SORCS3: variants seen among roughly 807,000 people sequenced by gnomAD.
The protein encoded by SORCS3 is VPS10 domain-containing receptor SorCS3.
SORCS3 carries 57 observed loss-of-function variants against 146.3 expected under a neutral mutation model. The ratio of observed to expected loss-of-function variants is 0.39; its 90% CI spans 0.31 to 0.49. The LOEUF (loss-of-function observed/expected upper bound fraction) is 0.49, where lower values mean the gene tolerates loss of function less well. SORCS3 is among the 20% of genes least tolerant of loss of function. The pLI is 0.92. For synonymous variants in SORCS3, 653 were observed against 618.5 expected, an observed-to-expected ratio of 1.06 and a Z score of -0.83; for missense variants, 1,341 against 1,575.5, an observed-to-expected ratio of 0.85 and a Z score of 2.52.
At chr10:104,976,148 C>T (rs1460249114) in intron 3 of SORCS3, among the ~76,000 whole-genome samples, 5 of 152,220 alleles carry the variant, frequency 3.3e-5, no homozygotes, top group South Asian at 2.1e-4. Context: ...AGAAAATTTT[C>T]GCATCCTACT....
intron 1 of SORCS3, among the ~76,000 whole-genome samples, chr10:104,666,358 G>T (rs2015776516): frequency 6.6e-6 from 1 of 152,156 alleles, no homozygotes; most frequent in African/African-American, 2.4e-5. Context: ...CAGGCAGGAG[G>T]AGGAGAAGAG....
At chr10:104,874,493 G>A (rs367950304) in intron 2 of SORCS3, among the ~76,000 whole-genome samples, 50 of 152,094 alleles carry the variant, frequency 3.3e-4, no homozygotes, top group African/African-American at 1.2e-3. Flanking sequence ...TACACTTTCT[G>A]ATGTTTGTAT....
At chr10:104,701,405 T>C (rs2016277988) in intron 1 of SORCS3, among the ~76,000 whole-genome samples, 1 of 152,216 alleles carries the variant, frequency 6.6e-6, no homozygotes, top group African/African-American at 2.4e-5. Context: ...TACAAATCAG[T>C]TTTCTTAACA....
chr10:104,818,626 G>A (rs1015143281), intron 1 of SORCS3, among the ~76,000 whole-genome samples: 2 of 152,084 alleles, frequency 1.3e-5, no homozygotes, highest in Non-Finnish European at 2.9e-5. Context: ...CTGCTTTTCT[G>A]TGCCTCCCTG....
chr10:104,648,727 G>T (rs2133237097), intron 1 of SORCS3, among the ~76,000 whole-genome samples: 1 of 152,306 alleles, frequency 6.6e-6, no homozygotes, highest in African/African-American at 2.4e-5. Context: ...ATTTTGATCA[G>T]TGTAGTTTGG....
chr10:105,177,927 G>A, intron 13 of SORCS3, 139 bp from the exon 14 acceptor site: 1 of 643,158 alleles, frequency 1.6e-6, no homozygotes, highest in Non-Finnish European at 2.8e-6. Context: ...ATGGGGAGAT[G>A]TTGAAGATTA....
chr10:105,000,598 G>A (rs896328581), intron 4 of SORCS3, among the ~76,000 whole-genome samples: 16 of 152,004 alleles, frequency 1.1e-4, no homozygotes, highest in African/African-American at 3.9e-4. Flanking sequence ...TGCAGATTTT[G>A]TGAGTCCAAA....
In SORCS3 at chr10:105,262,349, C is replaced by T. The variant is rs140068972; in HGVS notation, c.3462C>T (p.Asn1154=). Residue 1154 remains asparagine (N), a synonymous_variant, in exon 26 of 27, where the codon AAC becomes AAT. Transcript: ENST00000369701. ...YKFKRKIPWI[N]IYAQVQHDKE... is the part of the protein sequence containing the mutation. Reference sequence around the variant, plus strand: ...CATGTAGGAAAATCCCTTGGATTAACATCTATGCTCAAGTCCAACACGACA... The same window carrying T: ...CATGTAGGAAAATCCCTTGGATTAATATCTATGCTCAAGTCCAACACGACA... The T allele has an allele frequency of 1.6e-4, 256 of 1,613,588 alleles. 1 individual carries two copies. In the African/African-American group the frequency reaches 3.1e-3, roughly 20 times the overall value.
chr10:105,073,152 G>A (rs1036648173), intron 5 of SORCS3, among the ~76,000 whole-genome samples: 1 of 77,940 alleles, frequency 1.3e-5, no homozygotes, highest in African/African-American at 4.2e-5. Context: ...GTCACACTGA[G>A]GAAGAGACAG....
chr10:104,699,901 C>CT (rs1318340828), intron 1 of SORCS3, among the ~76,000 whole-genome samples: 1 of 152,126 alleles, frequency 6.6e-6, no homozygotes, highest in African/African-American at 2.4e-5. Flanking sequence ...GCAATGTGAG[C>CT]TTTGTTCTAG....
chr10:104,966,008 A>G (rs546856690), intron 3 of SORCS3, among the ~76,000 whole-genome samples: 4 of 152,236 alleles, frequency 2.6e-5, no homozygotes, highest in African/African-American at 4.8e-5. Flanking sequence ...TGACATTTAT[A>G]TGTAGTTTAC....
intron 1 of SORCS3, among the ~76,000 whole-genome samples, chr10:104,793,100 T>G (rs1395766313): frequency 2.0e-5 from 3 of 152,238 alleles, no homozygotes; most frequent in Admixed American, 2.0e-4. Context: ...CTTGTCACTT[T>G]AAAATTGAGT....
chr10:105,107,040 G>C (rs992198224), intron 7 of SORCS3, among the ~76,000 whole-genome samples: 8 of 152,160 alleles, frequency 5.3e-5, no homozygotes, highest in Non-Finnish European at 1.0e-4. Context: ...GTGACCTCAT[G>C]TACTGCAGCC....
chr10:104,685,960 G>A (rs963219366), intron 1 of SORCS3, among the ~76,000 whole-genome samples: 1 of 152,086 alleles, frequency 6.6e-6, no homozygotes, highest in African/African-American at 2.4e-5. Context: ...GGGATTGCCC[G>A]GCTCCCTCTT....
chr10:104,867,379 G>A (rs991425217), intron 2 of SORCS3, among the ~76,000 whole-genome samples: 12 of 150,856 alleles, frequency 8.0e-5, no homozygotes, highest in African/African-American at 2.7e-4. Flanking sequence ...GCGAGATCTC[G>A]GCTCATTGCA....
intron 1 of SORCS3, among the ~76,000 whole-genome samples, chr10:104,778,834 G>T (rs2017341500): frequency 6.6e-6 from 1 of 152,108 alleles, no homozygotes; most frequent in Non-Finnish European, 1.5e-5. Context: ...ATGTGGACCT[G>T]CAAAAGGTCC....
intron 9 of SORCS3, among the ~76,000 whole-genome samples, chr10:105,153,009 T>C (rs2056178529): frequency 6.6e-6 from 1 of 152,160 alleles, no homozygotes; most frequent in Non-Finnish European, 1.5e-5. Context: ...ATAAGTTCTG[T>C]GAGTTTTGAT....
At chr10:104,726,698 G>A (rs2133449885) in intron 1 of SORCS3, among the ~76,000 whole-genome samples, 1 of 152,104 alleles carries the variant, frequency 6.6e-6, no homozygotes, top group Admixed American at 6.6e-5. Flanking sequence ...TGTTGTCACT[G>A]GGACTTCAGA....
chr10:104,696,021 A>G (rs1236778984), intron 1 of SORCS3, among the ~76,000 whole-genome samples: 1 of 135,964 alleles, frequency 7.4e-6, no homozygotes, highest in African/African-American at 2.8e-5. Flanking sequence ...AATATATATC[A>G]TATACACATA....
Sources: allele counts gnomAD v4.1 joint callset (sites outside exome capture counted in the v4.1 genomes callset), GRCh38; gene constraint gnomAD v4.1.1; transcripts MANE v1.5; gene names NCBI Gene and HGNC (gene_info 2026-07-23, HGNC 2026-07-21).